The following PROCR variants were observed in gnomAD, a reference collection of about 807,000 sequenced individuals.
PROCR encodes the protein protein C receptor.
Under a neutral mutation model 24.2 loss-of-function variants are expected in PROCR, and 22 were observed. That is an observed-to-expected ratio of 0.91 (90% confidence interval 0.65 to 1.30). The LOEUF is 1.30. PROCR is among the 50% of genes most tolerant of loss of function. The probability of loss-of-function intolerance (pLI) is 0.00; values close to 1 mark genes in which losing one functional copy is unlikely to be tolerated. For missense variants in PROCR, 288 were observed against 307.7 expected (o/e 0.94, Z 0.48); for synonymous variants, 137 against 139.2 (o/e 0.98, Z 0.11).
At chr20:35,185,472 C>T (rs2086116791) in intron 1 of PROCR, among the ~76,000 whole-genome samples, 1 of 152,118 alleles carries the variant, frequency 6.6e-6, no homozygotes, top group Non-Finnish European at 1.5e-5. Flanking sequence ...ATTGCAAAAT[C>T]GTGGAACAAA....
intron 1 of PROCR, among the ~76,000 whole-genome samples, chr20:35,189,204 C>G (rs1600742984): frequency 1.3e-5 from 2 of 151,498 alleles, no homozygotes; most frequent in Admixed American, 6.6e-5. Context: ...AGAAATATAG[C>G]TGAATTCTTT....
At chr20:35,175,383 C>T (rs1339053794) in intron 2 of PROCR, among the ~76,000 whole-genome samples, 1 of 147,580 alleles carries the variant, frequency 6.8e-6, no homozygotes, top group Non-Finnish European at 1.5e-5. Context: ...CTTAGCTCCA[C>T]TCATGACCCG....
chr20:35,209,680 AG>A (rs764370083), intron 1 of PROCR, among the ~76,000 whole-genome samples: 9 of 152,108 alleles, frequency 5.9e-5, no homozygotes, highest in African/African-American at 2.2e-4. Flanking sequence ...TGCCAAAGTC[AG>A]GGGAAGTGTA....
chr20:35,190,180 A>G (rs6058202), intron 1 of PROCR, among the ~76,000 whole-genome samples: 93,384 of 151,970 alleles, frequency 0.61, 29,926 homozygotes, highest in African/African-American at 0.8. Context: ...ATATCCGATG[A>G]TCTGTTGTAT....
intron 1 of PROCR, among the ~76,000 whole-genome samples, chr20:35,190,368 A>G (rs1331618906): frequency 6.6e-6 from 1 of 152,194 alleles, no homozygotes; most frequent in Non-Finnish European, 1.5e-5. Flanking sequence ...AGCTTAATCA[A>G]TTCTTAGACA....
chr20:35,189,265 C>T (rs1023128998), intron 1 of PROCR, among the ~76,000 whole-genome samples: 5 of 146,548 alleles, frequency 3.4e-5, no homozygotes, highest in South Asian at 2.2e-4. Flanking sequence ...GAACGCATTC[C>T]GGGGGGGGGC....
chr20:35,181,786 C>A (rs934539850), downstream of PROCR, among the ~76,000 whole-genome samples: 1 of 152,268 alleles, frequency 6.6e-6, no homozygotes, highest in South Asian at 2.1e-4. Context: ...TAGTTGCAAG[C>A]AACAGAAACC....
chr20:35,207,251 T>G (rs995862143), intron 1 of PROCR, among the ~76,000 whole-genome samples: 2 of 152,106 alleles, frequency 1.3e-5, no homozygotes, highest in African/African-American at 4.8e-5. Flanking sequence ...ACTGTTTTAT[T>G]TTTTTGTTTG....
chr20:35,186,865 A>T (rs1189503890), intron 1 of PROCR, among the ~76,000 whole-genome samples: 1 of 151,780 alleles, frequency 6.6e-6, no homozygotes, highest in Non-Finnish European at 1.5e-5. Context: ...AGGCAGGAGA[A>T]TGGCGTGAAC....
chr20:35,175,170 C>A (rs1284220467), intron 2 of PROCR, among the ~76,000 whole-genome samples: 1 of 151,976 alleles, frequency 6.6e-6, no homozygotes, highest in East Asian at 1.9e-4. Context: ...GGGCGGTCGT[C>A]CTGCTGGCAT....
At chr20:35,191,692 T>C (rs1403296347) in intron 1 of PROCR, among the ~76,000 whole-genome samples, 3 of 152,168 alleles carry the variant, frequency 2.0e-5, no homozygotes, top group African/African-American at 7.2e-5. Context: ...TAAGCTTGGT[T>C]TATTTCATGA....
Position 35,176,953 on chromosome 20 carries a change from C to G in PROCR, c.*140C>G. 1 of 1,514,432 alleles carries G rather than the reference C, an allele frequency of 6.6e-7. No individual in the cohort carries two copies. Among genetic ancestry groups the G allele is most frequent in the South Asian group, 1.2e-5 (1 of 81,362 alleles). 93.8% of individuals were successfully genotyped at this position (1,514,432 alleles called of 1,614,324 possible). ...GCTCCTTTCTTCTCCCACATCTGCC[C>G]ACTGAAGATTTGAGGGAGGGGAGAT... On this transcript the variant is annotated 3_prime_UTR_variant, in exon 4 of 4. Coordinates refer to ENST00000216968, the MANE Select transcript of PROCR (RefSeq NM_006404.5).
At chr20:35,191,000 C>T (rs1255656204) in intron 1 of PROCR, among the ~76,000 whole-genome samples, 2 of 152,210 alleles carry the variant, frequency 1.3e-5, no homozygotes, top group African/African-American at 4.8e-5. Flanking sequence ...GTTGGGACTA[C>T]AGGCACGTAC....
chr20:35,186,411 A>G (rs2086126669), intron 1 of PROCR, among the ~76,000 whole-genome samples: 1 of 151,902 alleles, frequency 6.6e-6, no homozygotes, highest in Non-Finnish European at 1.5e-5. Flanking sequence ...TTCTAAAAAT[A>G]GAAAATTAGC....
chr20:35,186,506 C>T (rs1485754675), intron 1 of PROCR, among the ~76,000 whole-genome samples: 3 of 142,070 alleles, frequency 2.1e-5, no homozygotes, highest in Admixed American at 1.5e-4. Context: ...GCTGAGGTTG[C>T]GGTGAGCCAA....
chr20:35,213,978 G>A (rs543236084), intron 1 of PROCR, among the ~76,000 whole-genome samples: 9 of 151,896 alleles, frequency 5.9e-5, no homozygotes, highest in Middle Eastern at 3.4e-3. Context: ...CGGAGGCTGA[G>A]GCAAGAGAAT....
chr20:35,208,224 G>A (rs1158223124), intron 1 of PROCR, among the ~76,000 whole-genome samples: 1 of 152,236 alleles, frequency 6.6e-6, no homozygotes, highest in African/African-American at 2.4e-5. Context: ...GACTTCACAG[G>A]CTGGCTCTGG....
chr20:35,176,113 C>G, intron 2 of PROCR, 55 bp from the exon 3 acceptor site: 1 of 1,575,022 alleles, frequency 6.3e-7, no homozygotes, highest in South Asian at 1.1e-5. Flanking sequence ...TGGGCCTCGC[C>G]CCACACCTGG....
rs1251723910 is a variant in PROCR at position 35,195,545 on chromosome 20, G to A, written c.94+19099G>A. ...GAATAAAGAATGTGATGTTGGCCAGGAGTGGTGGCTCACACTTGTAATCCT... is the reference window on the plus strand; with the variant it reads ...GAATAAAGAATGTGATGTTGGCCAGAAGTGGTGGCTCACACTTGTAATCCT... On this transcript the variant is annotated intron_variant, in intron 1 of 1. Transcript: ENST00000634509. 3 of 152,152 alleles carry A rather than the reference G, an allele frequency of 2.0e-5. No individual in the cohort carries two copies. In the East Asian group the frequency reaches 5.8e-4, roughly 29 times the overall value. The allele number at this position is 152,152 out of a possible 1,614,324, so 9.4% of individuals were successfully genotyped here. A position where few individuals can be genotyped will look rare whatever the true frequency, so the allele number is the denominator to read the frequency against.
Sources: allele counts gnomAD v4.1 joint callset (sites outside exome capture counted in the v4.1 genomes callset), GRCh38; gene constraint gnomAD v4.1.1; transcripts MANE v1.5; gene names NCBI Gene and HGNC (gene_info 2026-07-23, HGNC 2026-07-21).